Variants in TTLL5 observed in about 807,000 individuals in gnomAD.
TTLL5 encodes tubulin polyglutamylase TTLL5.
TTLL5 carries 132 observed loss-of-function variants against 168.4 expected under a neutral mutation model. The ratio of observed to expected loss-of-function variants is 0.78; its 90% CI spans 0.68 to 0.91. The LOEUF is 0.91. TTLL5 is among the 40% of genes least tolerant of loss of function. The pLI is 0.00. For synonymous variants in TTLL5, 546 were observed against 558.6 expected (o/e 0.98, Z 0.32); for missense variants, 1,545 against 1,581.5 (o/e 0.98, Z 0.39).
At chr14:75,748,572 T>G (rs1204294269) in intron 17 of TTLL5, among the ~76,000 whole-genome samples, 3 of 152,228 alleles carry the variant, frequency 2.0e-5, no homozygotes. Context: ...AGCCAGTAAA[T>G]GGCCTGGTGC....
intron 10 of TTLL5, 53 bp downstream of exon 10, chr14:75,718,015 G>A: frequency 3.3e-6 from 5 of 1,527,228 alleles, no homozygotes; most frequent in Non-Finnish European, 4.5e-6. Context: ...AGATGTGGGT[G>A]TTGTAGAGGT....
intron 3 of TTLL5, among the ~76,000 whole-genome samples, chr14:75,678,861 A>G (rs1194645670): frequency 6.6e-6 from 1 of 152,162 alleles, no homozygotes. Flanking sequence ...TCCCTTTGTT[A>G]TAAGCATTCT....
chr14:75,850,568 A>G (rs1896791747), intron 28 of TTLL5, among the ~76,000 whole-genome samples: 1 of 152,114 alleles, frequency 6.6e-6, no homozygotes, highest in African/African-American at 2.4e-5. Context: ...TGCCTAGTAT[A>G]TGCTAGGCAC....
rs137975230 is a variant in TTLL5, at chr14:75,756,270, T to C, written c.1550+3315T>C. Among the ~76,000 whole-genome samples, 36 of 152,116 alleles carry C rather than the reference T, an allele frequency of 2.4e-4. 1 individual carries two copies. In the East Asian group the frequency reaches 7.0e-3, roughly 29 times the overall value. On this transcript the variant is annotated intron_variant, in intron 18 of 31. Coordinates refer to ENST00000298832, the MANE Select transcript of TTLL5 (RefSeq NM_015072.5). The stretch of plus-strand genomic sequence containing the variant: ...GCATTTGTCTCTTTACAAAAAAAAA[T>C]CAAAACATGTTATGTGACTCTATAT...
intron 27 of TTLL5, among the ~76,000 whole-genome samples, chr14:75,811,751 T>C (rs1177711101): frequency 6.6e-6 from 1 of 152,226 alleles, no homozygotes; most frequent in Non-Finnish European, 1.5e-5. Flanking sequence ...AGCATTGAAA[T>C]AGCTAGGCTT....
intron 30 of TTLL5, among the ~76,000 whole-genome samples, chr14:75,901,664 G>A (rs866652871): frequency 6.6e-6 from 1 of 152,330 alleles, no homozygotes; most frequent in South Asian, 2.1e-4. Flanking sequence ...ATTGTTGGGT[G>A]TCCCTGGTTG....
chr14:75,714,056 T>A (rs1887270438), intron 9 of TTLL5, among the ~76,000 whole-genome samples: 1 of 152,102 alleles, frequency 6.6e-6, no homozygotes, highest in South Asian at 2.1e-4. Context: ...AGTTCCTTAG[T>A]CTTTCTTTGA....
intron 4 of TTLL5, among the ~76,000 whole-genome samples, chr14:75,682,848 G>T (rs111792980): frequency 2.6e-5 from 4 of 151,676 alleles, no homozygotes; most frequent in Non-Finnish European, 5.9e-5. Flanking sequence ...TTCACTGTAG[G>T]CTTGAACTCC....
chr14:75,711,525 A>G (rs1441305135), intron 9 of TTLL5: 2 of 152,214 alleles, frequency 1.3e-5, no homozygotes, highest in African/African-American at 4.8e-5. Flanking sequence ...AATTTCAAAA[A>G]AATTAAAACA....
chr14:75,678,883 T>C (rs1371035323), intron 3 of TTLL5, among the ~76,000 whole-genome samples: 1 of 152,226 alleles, frequency 6.6e-6, no homozygotes, highest in Non-Finnish European at 1.5e-5. Flanking sequence ...TGGTAAGATA[T>C]TTTGAGATGT....
At chr14:75,887,903 G>C (rs1186901392) in intron 30 of TTLL5, among the ~76,000 whole-genome samples, 1 of 152,218 alleles carries the variant, frequency 6.6e-6, no homozygotes, top group Non-Finnish European at 1.5e-5. Flanking sequence ...ACTCGTATTA[G>C]AGGTGCTGGG....
intron 31 of TTLL5, among the ~76,000 whole-genome samples, chr14:75,914,792 TTTTTGTA>T (rs2033551807): frequency 6.6e-6 from 1 of 152,022 alleles, no homozygotes; most frequent in Admixed American, 6.5e-5. Flanking sequence ...CCTGGCTAAT[TTTTTGTA>T]TTTTCAGTAG....
At chr14:75,946,652 G>A (rs373706118) in intron 31 of TTLL5, among the ~76,000 whole-genome samples, 12 of 151,944 alleles carry the variant, frequency 7.9e-5, no homozygotes, top group African/African-American at 2.7e-4. Context: ...GGAGCAGTGA[G>A]CAAAACAGCC....
At chr14:75,728,542 G>A (rs1446565454) in intron 12 of TTLL5, among the ~76,000 whole-genome samples, 1 of 152,004 alleles carries the variant, frequency 6.6e-6, no homozygotes, top group Non-Finnish European at 1.5e-5. Context: ...ACAGTTTTGG[G>A]GAAAGAAAAC....
At chr14:75,819,438 G>A (rs937480173) in intron 27 of TTLL5, among the ~76,000 whole-genome samples, 11 of 152,184 alleles carry the variant, frequency 7.2e-5, no homozygotes, top group Non-Finnish European at 1.2e-4. Flanking sequence ...TGTAATTTGC[G>A]TGTCTTTCTT....
At chr14:75,672,268 A>G (rs1363887783) in intron 3 of TTLL5, among the ~76,000 whole-genome samples, 2 of 151,966 alleles carry the variant, frequency 1.3e-5, no homozygotes, top group Non-Finnish European at 2.9e-5. Context: ...TTTTTTTGCG[A>G]CGGAGTCTCG....
chr14:75,663,457 C>T (rs1183362958), intron 2 of TTLL5, among the ~76,000 whole-genome samples: 2 of 152,122 alleles, frequency 1.3e-5, no homozygotes, highest in Non-Finnish European at 2.9e-5. Flanking sequence ...TTTCTGGGCC[C>T]ATAAGTGAAC....
chr14:75,841,330 C>T (rs760778281), intron 28 of TTLL5, among the ~76,000 whole-genome samples: 1 of 152,204 alleles, frequency 6.6e-6, no homozygotes, highest in Non-Finnish European at 1.5e-5. Flanking sequence ...TTACTCTACA[C>T]CCTTCACACC....
intron 28 of TTLL5, among the ~76,000 whole-genome samples, chr14:75,828,722 A>C (rs1895379883): frequency 6.6e-6 from 1 of 152,176 alleles, no homozygotes; most frequent in Admixed American, 6.5e-5. Flanking sequence ...ACTGTTGAAT[A>C]CTCTCAAATA....
Sources: allele counts gnomAD v4.1 joint callset (sites outside exome capture counted in the v4.1 genomes callset), GRCh38; gene constraint gnomAD v4.1.1; transcripts MANE v1.5; gene names NCBI Gene and HGNC (gene_info 2026-07-23, HGNC 2026-07-21).